Variants in NKAIN2 observed in about 807,000 individuals in gnomAD.
NKAIN2 encodes sodium/potassium-transporting ATPase subunit beta-1-interacting protein 2.
Under a neutral mutation model 32.6 loss-of-function variants are expected in NKAIN2, and 14 were observed. The observed-to-expected ratio is 0.43, with a 90% CI of 0.28 to 0.67. The LOEUF is 0.67. Ranked by LOEUF, NKAIN2 falls within the 30% of genes least tolerant of loss-of-function variation. NKAIN2 has a pLI of 0.17. For missense variants in NKAIN2, 198 were observed against 258.3 expected, an observed-to-expected ratio of 0.77 and a Z score of 1.60; for synonymous variants, 80 against 87.2, an observed-to-expected ratio of 0.92 and a Z score of 0.46.
At chr6:124,022,785 A>G (rs1296224860) in intron 1 of NKAIN2, among the ~76,000 whole-genome samples, 3 of 152,126 alleles carry the variant, frequency 2.0e-5, no homozygotes, top group African/African-American at 7.2e-5. Context: ...TAATTTGCCC[A>G]TCCTTTCTTT....
chr6:124,199,713 G>A (rs1395400950), intron 1 of NKAIN2, among the ~76,000 whole-genome samples: 2 of 152,164 alleles, frequency 1.3e-5, no homozygotes, highest in South Asian at 2.1e-4. Flanking sequence ...CAATCTGGAT[G>A]TATCATTTTG....
intron 1 of NKAIN2, among the ~76,000 whole-genome samples, chr6:124,182,027 A>T (rs1192355276): frequency 6.6e-6 from 1 of 152,218 alleles, no homozygotes; most frequent in Non-Finnish European, 1.5e-5. Flanking sequence ...TGGGTAATTT[A>T]TAAAGGAAAG....
chr6:124,786,676 G>A (rs1779519565), intron 4 of NKAIN2, among the ~76,000 whole-genome samples: 1 of 151,606 alleles, frequency 6.6e-6, no homozygotes, highest in Admixed American at 6.6e-5. Context: ...ACATGAAGGT[G>A]AAAAGATAAA....
intron 1 of NKAIN2, among the ~76,000 whole-genome samples, chr6:123,830,779 C>T (rs1774346226): frequency 6.6e-6 from 1 of 152,126 alleles, no homozygotes; most frequent in Admixed American, 6.5e-5. Context: ...GTGTTTTGCT[C>T]AATTTTGTCT....
chr6:124,517,668 T>C (rs1430998474), intron 3 of NKAIN2, among the ~76,000 whole-genome samples: 3 of 152,174 alleles, frequency 2.0e-5, no homozygotes, highest in Non-Finnish European at 4.4e-5. Context: ...AAATAAGTTA[T>C]AACCGTAAAC....
At chr6:124,340,805 T>C (rs1026461587) in intron 2 of NKAIN2, among the ~76,000 whole-genome samples, 5 of 152,196 alleles carry the variant, frequency 3.3e-5, no homozygotes, top group African/African-American at 1.2e-4. Context: ...TTAAAGACGC[T>C]TCAGTGGCAT....
chr6:123,981,557 T>G (rs1273181875), intron 1 of NKAIN2, among the ~76,000 whole-genome samples: 2 of 152,126 alleles, frequency 1.3e-5, no homozygotes, highest in Non-Finnish European at 2.9e-5. Context: ...AGATCAAGCT[T>G]AATGTTCTCA....
intron 1 of NKAIN2, among the ~76,000 whole-genome samples, chr6:123,904,226 T>C (rs552198954): frequency 2.4e-3 from 363 of 151,472 alleles, no homozygotes; most frequent in Non-Finnish European, 4.6e-3. Context: ...AGTGAAACTC[T>C]GCTTAAAAAA....
At chr6:123,946,625 C>A (rs235669) in intron 1 of NKAIN2, among the ~76,000 whole-genome samples, 104,667 of 152,014 alleles carry the variant, frequency 0.69, 36,624 homozygotes, top group East Asian at 0.91. Flanking sequence ...GAGGAGGCAA[C>A]CCTGCTGATT....
At chr6:124,253,240 A>G (rs1793768089) in intron 1 of NKAIN2, among the ~76,000 whole-genome samples, 1 of 152,164 alleles carries the variant, frequency 6.6e-6, no homozygotes, top group Non-Finnish European at 1.5e-5. Context: ...CTAGTTATTG[A>G]TAAATGCAGT....
At chr6:124,709,231 T>A (rs1259311042) in intron 4 of NKAIN2, among the ~76,000 whole-genome samples, 1 of 148,928 alleles carries the variant, frequency 6.7e-6, no homozygotes, top group African/African-American at 2.5e-5. Flanking sequence ...TGCTGCTGGA[T>A]TTGTTTTGCC....
At chr6:124,370,019 C>A (rs1799685608) in intron 3 of NKAIN2, among the ~76,000 whole-genome samples, 1 of 150,974 alleles carries the variant, frequency 6.6e-6, no homozygotes, top group Non-Finnish European at 1.5e-5. Context: ...GGTTATTTGG[C>A]AAAGAAAGAG....
chr6:124,130,760 T>A (rs1786433414), intron 1 of NKAIN2, among the ~76,000 whole-genome samples: 1 of 152,162 alleles, frequency 6.6e-6, no homozygotes, highest in African/African-American at 2.4e-5. Context: ...AAGAAAATAA[T>A]TGTGTTTATG....
chr6:124,582,097 G>A (rs1319871119), intron 3 of NKAIN2, among the ~76,000 whole-genome samples: 2 of 150,154 alleles, frequency 1.3e-5, no homozygotes, highest in African/African-American at 4.9e-5. Flanking sequence ...TTTTTGCGAC[G>A]ATAAACAAAA....
intron 1 of NKAIN2, among the ~76,000 whole-genome samples, chr6:124,150,049 C>A (rs1032739930): frequency 3.3e-5 from 5 of 152,106 alleles, no homozygotes; most frequent in African/African-American, 1.2e-4. Context: ...TTCCCCCACC[C>A]TCCCTTGTAC....
intron 1 of NKAIN2, among the ~76,000 whole-genome samples, chr6:124,229,501 C>CAGATAGATGAT (rs1792317267): frequency 7.0e-6 from 1 of 142,872 alleles, no homozygotes; most frequent in Non-Finnish European, 1.5e-5. Context: ...GATAGATAGA[C>CAGATAGATGAT]AGATAGATAG....
chr6:124,220,284 C>T (rs1791744509), intron 1 of NKAIN2, among the ~76,000 whole-genome samples: 1 of 152,114 alleles, frequency 6.6e-6, no homozygotes, highest in Non-Finnish European at 1.5e-5. Flanking sequence ...CCTGGTTCCC[C>T]TTCCACCATG....
At chr6:124,410,050 C>T (rs1436147848) in intron 3 of NKAIN2, among the ~76,000 whole-genome samples, 1 of 152,084 alleles carries the variant, frequency 6.6e-6, no homozygotes, top group Non-Finnish European at 1.5e-5. Flanking sequence ...TCCCCTTTGT[C>T]ATTTTTTATT....
At chr6:124,711,199 C>T (rs1244310120) in intron 4 of NKAIN2, among the ~76,000 whole-genome samples, 4 of 124,664 alleles carry the variant, frequency 3.2e-5, no homozygotes, top group Non-Finnish European at 5.0e-5. Flanking sequence ...CTGAGAGATC[C>T]GCTGTTAGTC....
Sources: gnomAD v4.1 joint callset for allele counts (sites outside exome capture counted in the v4.1 genomes callset) on GRCh38, gnomAD v4.1.1 for gene constraint, MANE v1.5 for transcripts, NCBI Gene and HGNC (gene_info 2026-07-23, HGNC 2026-07-21) for gene names.